EFNA5: variants seen among roughly 807,000 people sequenced by gnomAD.
EFNA5 encodes ephrin-A5.
EFNA5 carries 5 observed loss-of-function variants against 22.9 expected under a neutral mutation model. The observed-to-expected ratio is 0.22, with a 90% CI of 0.11 to 0.46. EFNA5 has a LOEUF of 0.46. Among genes scored for constraint, EFNA5 ranks in the 20% least tolerant of loss-of-function variants. The pLI, the probability that EFNA5 is intolerant of heterozygous loss-of-function variation, is 0.99. For synonymous variants in EFNA5, 113 were observed against 112.2 expected (o/e 1.01, Z -0.04); for missense variants, 237 against 293.3 (o/e 0.81, Z 1.40).
intron 1 of EFNA5, among the ~76,000 whole-genome samples, chr5:107,583,353 A>C (rs957447412): frequency 6.6e-6 from 1 of 152,238 alleles, no homozygotes; most frequent in Non-Finnish European, 1.5e-5. Flanking sequence ...AGTACCTGGA[A>C]AAAGAAAATA....
intron 1 of EFNA5, among the ~76,000 whole-genome samples, chr5:107,636,478 T>C (rs17160298): frequency 0.023 from 3,447 of 152,310 alleles, 129 homozygotes; most frequent in African/African-American, 0.079. Context: ...CAGGAAGCCA[T>C]GACAAGTTTT....
chr5:107,668,884 G>GT (rs1751124486), intron 1 of EFNA5, among the ~76,000 whole-genome samples: 1 of 152,060 alleles, frequency 6.6e-6, no homozygotes, highest in African/African-American at 2.4e-5. Flanking sequence ...CCTAATAGTG[G>GT]TAAGTGGCAT....
chr5:107,475,724 G>A (rs991947111), intron 1 of EFNA5, among the ~76,000 whole-genome samples: 2 of 151,894 alleles, frequency 1.3e-5, no homozygotes, highest in Non-Finnish European at 2.9e-5. Flanking sequence ...CAGAAGATTT[G>A]TCTAGGGTAT....
chr5:107,503,565 T>C (rs1747183827), intron 1 of EFNA5, among the ~76,000 whole-genome samples: 1 of 152,218 alleles, frequency 6.6e-6, no homozygotes, highest in Non-Finnish European at 1.5e-5. Context: ...GAGTAAATCA[T>C]TTAACCTATG....
chr5:107,427,405 T>G lies in EFNA5; in HGVS notation c.230A>C (p.Tyr77Ser). 1.2e-6 allele frequency: 2 copies of G among 1,614,028 alleles called. No individual in the cohort carries two copies. Among genetic ancestry groups the G allele is most frequent in the Non-Finnish European group, 1.7e-6 (2 of 1,180,000 alleles). The change falls in exon 2 of 5, where the codon TAT (tyrosine) becomes TCT (serine). Residue 77 changes from tyrosine to serine, a missense_variant. This residue lies in a region of EFNA5 where 120 missense variants were observed against 140.5 expected (regional missense o/e 0.85). Coordinates refer to ENST00000333274, the MANE Select transcript of EFNA5 (RefSeq NM_001962.3). ...ATCAAAGTTCACCATGTAGAGGACA[T>G]AGCGCTCAGTCTTATCTTCTGGGAC... is the stretch of plus-strand genomic sequence containing the variant. ...DSVPEDKTER[Y>S]VLYMVNFDGY...
chr5:107,558,163 C>T (rs551207538), intron 1 of EFNA5, among the ~76,000 whole-genome samples: 1 of 152,154 alleles, frequency 6.6e-6, no homozygotes, highest in Admixed American at 6.5e-5. Flanking sequence ...GATTACAAGA[C>T]TTGCCCAAGC....
At chr5:107,604,250 G>A (rs943302645) in intron 1 of EFNA5, among the ~76,000 whole-genome samples, 6 of 152,122 alleles carry the variant, frequency 3.9e-5, no homozygotes, top group African/African-American at 1.4e-4. Context: ...GTGTATCACG[G>A]CTCACTGCCA....
At chr5:107,668,554 A>G (rs1185020434) in intron 1 of EFNA5, among the ~76,000 whole-genome samples, 2 of 152,222 alleles carry the variant, frequency 1.3e-5, no homozygotes, top group Admixed American at 1.3e-4. Context: ...ACACCCAAGT[A>G]TCCAAATAAA....
intron 1 of EFNA5, among the ~76,000 whole-genome samples, chr5:107,585,666 G>A (rs1009256499): frequency 6.6e-6 from 1 of 152,134 alleles, no homozygotes; most frequent in African/African-American, 2.4e-5. Flanking sequence ...CAAGAAAAGG[G>A]GATGGTAGGG....
chr5:107,464,050 T>C (rs1232949005), intron 1 of EFNA5, among the ~76,000 whole-genome samples: 1 of 152,174 alleles, frequency 6.6e-6, no homozygotes, highest in East Asian at 1.9e-4. Flanking sequence ...GAAGTTTTAC[T>C]ATGAATCTTT....
chr5:107,625,063 T>C (rs777072388), intron 1 of EFNA5, among the ~76,000 whole-genome samples: 2 of 152,140 alleles, frequency 1.3e-5, no homozygotes, highest in Non-Finnish European at 2.9e-5. Context: ...CATGTAAATA[T>C]GTCTGAGAGA....
chr5:107,539,281 G>C (rs1258371081), intron 1 of EFNA5, among the ~76,000 whole-genome samples: 1 of 152,218 alleles, frequency 6.6e-6, no homozygotes, highest in Non-Finnish European at 1.5e-5. Flanking sequence ...GCTGCTCCGA[G>C]CCCTGTACAC....
At chr5:107,520,794 C>G (rs1199096497) in intron 1 of EFNA5, among the ~76,000 whole-genome samples, 2 of 152,200 alleles carry the variant, frequency 1.3e-5, no homozygotes, top group African/African-American at 2.4e-5. Flanking sequence ...GGGTAGTAAT[C>G]ACTGTGGATC....
intron 1 of EFNA5, among the ~76,000 whole-genome samples, chr5:107,505,455 G>A (rs1747233149): frequency 6.6e-6 from 1 of 152,136 alleles, no homozygotes; most frequent in Admixed American, 6.5e-5. Context: ...CTGGACAGCT[G>A]GAAATCATAG....
At chr5:107,461,991 G>C (rs1049027242) in intron 1 of EFNA5, among the ~76,000 whole-genome samples, 3 of 152,158 alleles carry the variant, frequency 2.0e-5, no homozygotes, top group African/African-American at 7.2e-5. Flanking sequence ...ATTCCAATGT[G>C]CCCTGCACAG....
At chr5:107,562,711 G>A (rs745961426) in intron 1 of EFNA5, among the ~76,000 whole-genome samples, 1 of 152,148 alleles carries the variant, frequency 6.6e-6, no homozygotes, top group Non-Finnish European at 1.5e-5. Flanking sequence ...CTACTGTGCA[G>A]AAGACAGACT....
chr5:107,564,433 G>C (rs949882351), intron 1 of EFNA5, among the ~76,000 whole-genome samples: 1 of 152,118 alleles, frequency 6.6e-6, no homozygotes, highest in Non-Finnish European at 1.5e-5. Flanking sequence ...GGTATTAGTT[G>C]TATTTGCCCT....
At chr5:107,665,311 G>C (rs779900906) in intron 1 of EFNA5, among the ~76,000 whole-genome samples, 1 of 152,188 alleles carries the variant, frequency 6.6e-6, no homozygotes, top group Non-Finnish European at 1.5e-5. Context: ...ACAGAATGCA[G>C]TGAAATGCCT....
At chr5:107,599,670 T>C (rs1749548530) in intron 1 of EFNA5, among the ~76,000 whole-genome samples, 1 of 152,240 alleles carries the variant, frequency 6.6e-6, no homozygotes, top group Non-Finnish European at 1.5e-5. Flanking sequence ...CACTGCAGTC[T>C]AGAAAGATTT....
Sources: gnomAD v4.1 joint callset for allele counts (sites outside exome capture counted in the v4.1 genomes callset) on GRCh38, gnomAD v4.1.1 for gene constraint, gnomAD v4.1.1 regional missense constraint, MANE v1.5 for transcripts, NCBI Gene and HGNC (gene_info 2026-07-23, HGNC 2026-07-21) for gene names.